The following BCL11A variants were observed in gnomAD, a reference collection of about 807,000 sequenced individuals.
BCL11A encodes the protein B cell CLL/lymphoma 11A.
In BCL11A, 2 loss-of-function variants were observed where a neutral mutation model predicts 55.9. That is an observed-to-expected ratio of 0.04 (90% CI 0.01 to 0.11). The LOEUF (loss-of-function observed/expected upper bound fraction) is 0.11. BCL11A is among the 10% of genes least tolerant of loss of function. The probability of loss-of-function intolerance (pLI) is 1.00; values close to 1 mark genes in which losing one functional copy is unlikely to be tolerated. For missense variants in BCL11A, 817 were observed against 1,137.1 expected, an observed-to-expected ratio of 0.72 and a Z score of 4.05; for synonymous variants, 465 against 473.4, an observed-to-expected ratio of 0.98 and a Z score of 0.23.
At chr2:60,539,092 A>G (rs2104696750) in intron 2 of BCL11A, among the ~76,000 whole-genome samples, 1 of 152,322 alleles carries the variant, frequency 6.6e-6, no homozygotes, top group Non-Finnish European at 1.5e-5. Flanking sequence ...TGGCATATCG[A>G]GCATTTTTCC....
rs770244749 is a variant in BCL11A, at chr2:60,553,324, C to T, written c.-54G>A. The T allele has an allele frequency of 4.7e-6, 7 of 1,494,832 alleles. No individual in the cohort carries two copies. The highest frequency in any genetic ancestry group is 6.3e-6 in the Non-Finnish European group (7 of 1,119,094). 92.6% of individuals were successfully genotyped at this position (1,494,832 alleles called of 1,614,324 possible). A position where few individuals can be genotyped will look rare whatever the true frequency, so the allele number is the denominator to read the frequency against. On this transcript the variant is annotated 5_prime_UTR_variant, in exon 1 of 4. Coordinates refer to ENST00000642384, the MANE Select transcript of BCL11A (RefSeq NM_022893.4). ...GGCGGCGGCGGCGGCGGGCGGACGA[C>T]GGCTCGGTTCACATCGGGAGAGCCG...
intron 2 of BCL11A, among the ~76,000 whole-genome samples, chr2:60,517,984 AAAAGACTTT>A (rs1251714412): frequency 2.0e-5 from 3 of 147,906 alleles, no homozygotes; most frequent in Admixed American, 1.3e-4. Context: ...GAAAATTTTT[AAAAGACTTT>A]AAATTAATTA....
Position 60,496,774 on chromosome 2 carries a change from G to GCTCTCT in BCL11A, c.386-27947_386-27942dup, listed in dbSNP as rs10657650. On this transcript the variant is annotated intron_variant, in intron 2 of 3. Coordinates refer to ENST00000642384, the MANE Select transcript of BCL11A (RefSeq NM_022893.4). ...TCCCACTCTAGGTTCCACTGTGAGT[G>GCTCTCT]CTCTCTCTCTCTCTCTCTCTCACTA... 1.4e-4 allele frequency among the ~76,000 whole-genome samples: 21 copies of GCTCTCT among 149,328 alleles called. No homozygotes were observed. In the South Asian group the frequency reaches 1.7e-3, roughly 12 times the overall value.
At chr2:60,527,992 T>C (rs1669279680) in intron 2 of BCL11A, 1 of 152,256 alleles carries the variant, frequency 6.6e-6, no homozygotes, top group Non-Finnish European at 1.5e-5. Context: ...GCGGATCATA[T>C]GGAGCTGTTG....
At chr2:60,472,330 G>T (rs1389952959) in intron 2 of BCL11A, among the ~76,000 whole-genome samples, 1 of 152,182 alleles carries the variant, frequency 6.6e-6, no homozygotes, top group Non-Finnish European at 1.5e-5. Flanking sequence ...CTGGACTCTT[G>T]TTTCCCTTTC....
chr2:60,473,060 CATGTGT>C (rs778747448), intron 2 of BCL11A, among the ~76,000 whole-genome samples: 6 of 146,110 alleles, frequency 4.1e-5, no homozygotes, highest in Admixed American at 6.8e-5. Context: ...TGAGCATGTG[CATGTGT>C]GTATATTGTG....
intron 2 of BCL11A, among the ~76,000 whole-genome samples, chr2:60,509,190 G>A (rs1679831146): frequency 6.6e-6 from 1 of 152,192 alleles, no homozygotes; most frequent in Admixed American, 6.5e-5. Context: ...TAATTTACTT[G>A]GTCTCAGCTT....
chr2:60,503,864 T>C (rs892379733), intron 2 of BCL11A, among the ~76,000 whole-genome samples: 6 of 152,168 alleles, frequency 3.9e-5, no homozygotes, highest in African/African-American at 1.4e-4. Flanking sequence ...TAAACAGCAA[T>C]TCACATTCAT....
At chr2:60,549,613 G>A (rs1297637174) in intron 1 of BCL11A, among the ~76,000 whole-genome samples, 1 of 152,226 alleles carries the variant, frequency 6.6e-6, no homozygotes, top group Non-Finnish European at 1.5e-5. Context: ...AGCGGCCGCG[G>A]GGCCTTGGGG....
Position 60,550,311 on chromosome 2 carries a change from G to A in BCL11A, c.55+2905C>T, listed in dbSNP as rs141412496. Among the ~76,000 whole-genome samples, 20 of 152,238 alleles carry A rather than the reference G, an allele frequency of 1.3e-4. No homozygotes were observed. In the East Asian group the frequency reaches 3.9e-3, roughly 30 times the overall value. On this transcript the variant is annotated intron_variant, in intron 1 of 3. Transcript: ENST00000642384. ...CGCCCGGTCGCTTCTCCGCGGCCCC[G>A]GCCAGAAGCATTTTTAAAGTCAAAA...
At chr2:60,538,642 G>T (rs1395798256) in intron 2 of BCL11A, 2 of 151,938 alleles carry the variant, frequency 1.3e-5, no homozygotes, top group Non-Finnish European at 2.9e-5. Flanking sequence ...TGGAATTCCA[G>T]TTGAAAGTTG....
At position 60,553,292 on chromosome 2, in the gene BCL11A, C is replaced by A; in HGVS notation, c.-22G>T. 6.7e-7 allele frequency: 1 copy of A among 1,494,138 alleles called. No homozygotes were observed. The allele number at this position is 1,494,138 out of a possible 1,614,324, so 92.6% of individuals were successfully genotyped here. On this transcript the variant is annotated 5_prime_UTR_variant, in exon 1 of 4. Transcript: ENST00000642384. ...ACATGGTGGGCTGCGGGGCGGGCGG[C>A]GGCGGCGGCGGCGGCGGCGGCGGGC...
downstream of BCL11A, among the ~76,000 whole-genome samples, chr2:60,454,032 TAGAGAGAGAGAA>T: frequency 6.6e-6 from 1 of 151,008 alleles, no homozygotes; most frequent in Non-Finnish European, 1.5e-5. Flanking sequence ...CGCTGGGAAA[TAGAGAGAGAGAA>T]AGAGAGAGAG....
At chr2:60,472,048 G>C (rs1347523204) in intron 2 of BCL11A, among the ~76,000 whole-genome samples, 2 of 152,166 alleles carry the variant, frequency 1.3e-5, no homozygotes, top group Admixed American at 6.5e-5. Flanking sequence ...CTCCTGTCCA[G>C]GACCCACCTC....
chr2:60,517,425 G>A (rs1040316637), intron 2 of BCL11A, among the ~76,000 whole-genome samples: 9 of 152,184 alleles, frequency 5.9e-5, no homozygotes, highest in Non-Finnish European at 1.3e-4. Context: ...AAGAAGAAAG[G>A]GCAAAGGACC....
rs1398057053 is a variant in BCL11A, at chr2:60,514,804, T to C, written c.385+31167A>G. ...GCACCATAAGAGGCTGTGAATTCCA[T>C]TGATAAGAGAGGATTTCCCTACTCA... is the stretch of plus-strand genomic sequence containing the variant. On this transcript the variant is annotated intron_variant, in intron 2 of 3. Transcript: ENST00000642384. 2.6e-5 allele frequency among the ~76,000 whole-genome samples: 4 copies of C among 151,416 alleles called. No homozygotes were observed. In the East Asian group the frequency reaches 5.8e-4, roughly 22 times the overall value.
Position 60,457,535 on chromosome 2 carries a change from T to G in BCL11A, c.*2869A>C. 9.6e-7 allele frequency: 1 copy of G among 1,046,684 alleles called. No homozygotes were observed. Among genetic ancestry groups the G allele is most frequent in the Non-Finnish European group, 1.2e-6 (1 of 867,156 alleles). 64.8% of individuals were successfully genotyped at this position (1,046,684 alleles called of 1,614,324 possible). ...ATAGAAAAGGCCAATAACAAAATAT[T>G]CTGCATTGCCATTTACAAAAAAGTA... On this transcript the variant is annotated 3_prime_UTR_variant, in exon 4 of 4. Transcript: ENST00000642384.
rs77544041 is a variant in BCL11A, at chr2:60,465,115, T to C, written c.488-2691A>G. Among the ~76,000 whole-genome samples, 342 of 152,352 alleles carry C rather than the reference T, an allele frequency of 2.2e-3. 2 individuals carry two copies. The highest frequency in any genetic ancestry group is 7.8e-3 in the African/African-American group (324 of 41,586). On this transcript the variant is annotated intron_variant, in intron 3 of 3. Transcript: ENST00000642384. Reference sequence around the variant, plus strand: ...TGCATTACAATTTCACCATATAATCTGTATTTCACTCAGCTCATGCCGGTG... The same window carrying C: ...TGCATTACAATTTCACCATATAATCCGTATTTCACTCAGCTCATGCCGGTG...
intron 2 of BCL11A, among the ~76,000 whole-genome samples, chr2:60,509,634 G>A (rs1009297036): frequency 2.0e-5 from 3 of 152,120 alleles, no homozygotes; most frequent in African/African-American, 7.2e-5. Flanking sequence ...AGTTGTCTTT[G>A]GTAGCTAAAG....
Sources: gnomAD v4.1 joint callset for allele counts (sites outside exome capture counted in the v4.1 genomes callset) on GRCh38, gnomAD v4.1.1 for gene constraint, MANE v1.5 for transcripts, NCBI Gene and HGNC (gene_info 2026-07-23, HGNC 2026-07-21) for gene names.